Variants in ROBO2 observed in about 807,000 individuals in gnomAD.
ROBO2 encodes roundabout guidance receptor 2, also known as roundabout homolog 2.
In ROBO2, 53 loss-of-function variants were observed where a neutral mutation model predicts 160.8. That is an observed-to-expected ratio of 0.33 (90% CI 0.26 to 0.41). The LOEUF (loss-of-function observed/expected upper bound fraction) is 0.41. ROBO2 is among the 10% of genes least tolerant of loss of function. The pLI, the probability that ROBO2 is intolerant of heterozygous loss-of-function variation, is 1.00. For missense variants in ROBO2, 1,577 were observed against 1,722.4 expected (o/e 0.92, Z 1.49); for synonymous variants, 664 against 611.7 (o/e 1.09, Z -1.26).
chr3:76,767,696 T>C (rs964515127), intron 2 of ROBO2, among the ~76,000 whole-genome samples: 1 of 151,544 alleles, frequency 6.6e-6, no homozygotes, highest in Non-Finnish European at 1.5e-5. Flanking sequence ...TTTATTAAAC[T>C]TTTTTGCTTT....
chr3:76,164,333 C>T (rs909093524), intron 2 of ROBO2, among the ~76,000 whole-genome samples: 7 of 152,198 alleles, frequency 4.6e-5, no homozygotes, highest in Admixed American at 6.6e-5. Flanking sequence ...TTTTTACCTC[C>T]TCCCATGAAT....
chr3:75,921,883 C>A lies in ROBO2; in HGVS notation c.-14+14923C>A, dbSNP rs952014980. On this transcript the variant is annotated intron_variant, in intron 1 of 26. Transcript: ENST00000487694. ...TACCCTCAATGGTATATGTGTAGAACAAATTGGTAAAGCTGGAGTACATTT... is the reference window on the plus strand; with the variant it reads ...TACCCTCAATGGTATATGTGTAGAAAAAATTGGTAAAGCTGGAGTACATTT... Among the ~76,000 whole-genome samples the A allele has an allele frequency of 2.6e-5, 4 of 152,188 alleles. No individual in the cohort carries two copies. In the South Asian group the frequency reaches 8.3e-4, roughly 32 times the overall value.
intron 2 of ROBO2, among the ~76,000 whole-genome samples, chr3:76,215,006 A>G (rs983439919): frequency 6.6e-6 from 1 of 152,126 alleles, no homozygotes; most frequent in Non-Finnish European, 1.5e-5. Flanking sequence ...AGGCTCACCA[A>G]TATCTGCTGT....
chr3:77,435,900 T>C (rs548124689), intron 2 of ROBO2, among the ~76,000 whole-genome samples: 17 of 151,392 alleles, frequency 1.1e-4, no homozygotes, highest in East Asian at 2.0e-4. Flanking sequence ...ATAATGTAAA[T>C]GTTTTATGAT....
At chr3:76,471,843 G>C (rs757592659) in intron 2 of ROBO2, among the ~76,000 whole-genome samples, 4 of 152,068 alleles carry the variant, frequency 2.6e-5, no homozygotes, top group Non-Finnish European at 5.9e-5. Context: ...CGTGATGGCA[G>C]GAAGGAGAAG....
intron 2 of ROBO2, among the ~76,000 whole-genome samples, chr3:76,802,040 A>G (rs2064240666): frequency 1.3e-5 from 2 of 152,276 alleles, no homozygotes; most frequent in South Asian, 4.1e-4. Context: ...GGTCCATGGC[A>G]CCCAAAAACA....
At chr3:77,215,536 T>C (rs1285475059) in intron 2 of ROBO2, among the ~76,000 whole-genome samples, 1 of 152,206 alleles carries the variant, frequency 6.6e-6, no homozygotes, top group Non-Finnish European at 1.5e-5. Flanking sequence ...CTTCCTCCTT[T>C]AGCTCAGAGT....
At chr3:76,938,446 T>C (rs1192496392) in intron 2 of ROBO2, among the ~76,000 whole-genome samples, 4 of 151,228 alleles carry the variant, frequency 2.6e-5, no homozygotes, top group Non-Finnish European at 2.9e-5. Flanking sequence ...ATCTGATTCC[T>C]CTACTTGTTA....
chr3:77,594,894 G>A (rs1022024878), intron 17 of ROBO2, among the ~76,000 whole-genome samples: 4 of 152,136 alleles, frequency 2.6e-5, no homozygotes, highest in Admixed American at 2.0e-4. Context: ...ATACAAATTA[G>A]TTCTTTAACT....
intron 2 of ROBO2, among the ~76,000 whole-genome samples, chr3:76,140,360 T>A (rs1368048055): frequency 6.6e-6 from 1 of 152,070 alleles, no homozygotes; most frequent in East Asian, 1.9e-4. Context: ...AAATAAGGCT[T>A]AAGGATAATA....
chr3:76,878,367 G>A (rs564670042), intron 2 of ROBO2, among the ~76,000 whole-genome samples: 1 of 152,116 alleles, frequency 6.6e-6, no homozygotes, highest in Non-Finnish European at 1.5e-5. Flanking sequence ...TGCTTTATCT[G>A]TTATTCCCTC....
intron 2 of ROBO2, among the ~76,000 whole-genome samples, chr3:77,013,597 T>C (rs947918073): frequency 4.6e-5 from 7 of 152,256 alleles, no homozygotes; most frequent in African/African-American, 1.4e-4. Flanking sequence ...ATAATGCTCA[T>C]TGTTGCTTCC....
chr3:76,555,397 A>AAGC (rs2083684041), intron 2 of ROBO2, among the ~76,000 whole-genome samples: 1 of 72,564 alleles, frequency 1.4e-5, no homozygotes, highest in African/African-American at 2.9e-5. Flanking sequence ...GAAGAAGAAG[A>AAGC]AGAAGAAGAA....
chr3:76,014,953 A>C (rs542695464), intron 2 of ROBO2, among the ~76,000 whole-genome samples: 5 of 152,288 alleles, frequency 3.3e-5, no homozygotes, highest in African/African-American at 1.2e-4. Flanking sequence ...AAAGACATAC[A>C]TACATACATA....
chr3:76,138,062 C>A (rs1044148624), intron 2 of ROBO2, among the ~76,000 whole-genome samples: 1 of 151,788 alleles, frequency 6.6e-6, no homozygotes, highest in East Asian at 1.9e-4. Flanking sequence ...AAAGCATAAC[C>A]GTGACTTTAT....
intron 5 of ROBO2, among the ~76,000 whole-genome samples, chr3:77,516,255 G>T (rs1350120304): frequency 6.6e-6 from 1 of 151,510 alleles, no homozygotes; most frequent in East Asian, 1.9e-4. Context: ...TATATGGTTT[G>T]CTTTCAGGTT....
intron 2 of ROBO2, among the ~76,000 whole-genome samples, chr3:76,147,843 C>T (rs1577053577): frequency 1.3e-5 from 2 of 152,002 alleles, no homozygotes; most frequent in Non-Finnish European, 2.9e-5. Context: ...GATTAAGCTT[C>T]TTGTGGGGTC....
At chr3:76,167,018 C>T (rs1302686131) in intron 2 of ROBO2, among the ~76,000 whole-genome samples, 1 of 152,084 alleles carries the variant, frequency 6.6e-6, no homozygotes, top group African/African-American at 2.4e-5. Context: ...GATCTTGGCT[C>T]ACTGGTCTGC....
intron 2 of ROBO2, among the ~76,000 whole-genome samples, chr3:77,169,825 A>G (rs2079453810): frequency 6.6e-6 from 1 of 152,306 alleles, no homozygotes; most frequent in South Asian, 2.1e-4. Flanking sequence ...TGGGGATTAC[A>G]ATAGAAACAG....
Sources: allele counts gnomAD v4.1 joint callset (sites outside exome capture counted in the v4.1 genomes callset), GRCh38; gene constraint gnomAD v4.1.1; transcripts MANE v1.5; gene names NCBI Gene and HGNC (gene_info 2026-07-23, HGNC 2026-07-21).